The following ZXDC variants were observed in gnomAD, a reference collection of about 807,000 sequenced individuals.
ZXDC encodes the protein ZXD family zinc finger C, also known as zinc finger protein ZXDC.
A neutral mutation model predicts 63.6 loss-of-function variants in ZXDC; 58 were observed. The ratio of observed to expected loss-of-function variants is 0.91; its 90% confidence interval spans 0.74 to 1.13. ZXDC has a LOEUF of 1.13. Among genes scored for constraint, ZXDC ranks in the 50% most tolerant of loss-of-function variants. The pLI is 0.00. For synonymous variants in ZXDC, 561 were observed against 496.1 expected (o/e 1.13, Z -1.74); for missense variants, 1,133 against 1,148.9 (o/e 0.99, Z 0.20).
In ZXDC at chr3:126,441,585, GGGA is replaced by G. The variant is rs991406051; in HGVS notation, c.2394+177_2394+179del. ...CAGATGCAGGACAGGCTGGGAAAAAGGGAGGAGCTGGGCTGTGAGGAGACAGGA... is the reference window on the plus strand; with the variant it reads ...CAGATGCAGGACAGGCTGGGAAAAAGGGAGCTGGGCTGTGAGGAGACAGGA... On this transcript the variant is annotated intron_variant, in intron 8 of 9. Coordinates refer to ENST00000389709, the MANE Select transcript of ZXDC (RefSeq NM_025112.5). 28 of 1,335,576 alleles carry G rather than the reference GGGA, an allele frequency of 2.1e-5. No individual in the cohort carries two copies. In the African/African-American group the frequency reaches 3.5e-4, roughly 16 times the overall value. The allele number at this position is 1,335,576 out of a possible 1,614,324, so 82.7% of individuals were successfully genotyped here. A position where few individuals can be genotyped will look rare whatever the true frequency, so the allele number is the denominator to read the frequency against.
rs1481492069 is a variant in ZXDC, at chr3:126,438,492, A to AG, written c.2491-32dup. ...AAACCAAGCATTGTCATGAAGAGGGAGGAGGGAGGGGAGGCAGAGGGATCC... is the reference window on the plus strand; with the variant it reads ...AAACCAAGCATTGTCATGAAGAGGGAGGGAGGGAGGGGAGGCAGAGGGATCC... On this transcript the variant is annotated intron_variant, in intron 9 of 9. Transcript: ENST00000389709. 5.0e-6 allele frequency: 8 copies of AG among 1,602,180 alleles called. No individual in the cohort carries two copies. The Admixed American group carries it at 5.0e-5, about 10-fold the overall frequency.
At chr3:126,452,899 T>A in intron 7 of ZXDC, 1 of 450,214 alleles carries the variant, frequency 2.2e-6, no homozygotes, top group Non-Finnish European at 2.9e-6. Context: ...CCACCACGCG[T>A]GGCTAATTAT....
At chr3:126,445,315 T>A (rs192562229) in intron 7 of ZXDC, among the ~76,000 whole-genome samples, 1 of 152,084 alleles carries the variant, frequency 6.6e-6, no homozygotes, top group African/African-American at 2.4e-5. Flanking sequence ...CTACGAGAGA[T>A]GTCCATCCAT....
At chr3:126,454,761 C>T in intron 7 of ZXDC, 1 of 985,434 alleles carries the variant, frequency 1.0e-6, no homozygotes, top group Non-Finnish European at 1.2e-6. Context: ...ATTTATAGTT[C>T]TGAAGCTGTT....
At position 126,461,931 on chromosome 3, in the gene ZXDC, GC is replaced by G. The variant is rs763823668; in HGVS notation, c.1730del (p.Ser577ThrfsTer28). On this transcript the variant is annotated frameshift_variant, in exon 6 of 10. Transcript: ENST00000389709. LOFTEE classifies it high-confidence loss of function. The part of the protein sequence containing the change: ...VLVAHSDIPP[S>X]LDSPLVLGTA... The stretch of plus-strand genomic sequence containing the variant: ...TCCCGAGAACCAGAGGGCTGTCCAG[GC>G]TTGGGGGAATATCACTGTGGGCCAC... 4 of 1,614,082 alleles carry G rather than the reference GC, an allele frequency of 2.5e-6. No individual in the cohort carries two copies. The highest frequency in any genetic ancestry group is 1.3e-5 in the African/African-American group (1 of 74,920).
At chr3:126,474,042 G>A (rs1003426748) in intron 1 of ZXDC, among the ~76,000 whole-genome samples, 3 of 151,488 alleles carry the variant, frequency 2.0e-5, no homozygotes, top group African/African-American at 2.4e-5. Flanking sequence ...CAACACACAG[G>A]AGAAAGAACA....
intron 4 of ZXDC, among the ~76,000 whole-genome samples, chr3:126,467,890 G>A (rs1181983932): frequency 6.6e-6 from 1 of 152,138 alleles, no homozygotes; most frequent in Non-Finnish European, 1.5e-5. Flanking sequence ...CGCTACAACA[G>A]GACCCTTGCA....
intron 6 of ZXDC, 37 bp downstream of exon 6, chr3:126,461,498 G>T: frequency 6.4e-7 from 1 of 1,564,018 alleles, no homozygotes; most frequent in South Asian, 1.2e-5. Context: ...TGAGAGAAGT[G>T]ACCTATATGG....
intron 7 of ZXDC, chr3:126,453,846 T>C (rs2107639275): frequency 1.0e-6 from 1 of 984,722 alleles, no homozygotes; most frequent in African/African-American, 1.7e-5. Context: ...ATTACAGGCA[T>C]GAGCCACCGC....
At chr3:126,457,289 G>A (rs1350467245) in intron 7 of ZXDC, 2 of 985,452 alleles carry the variant, frequency 2.0e-6, no homozygotes, top group East Asian at 2.3e-4. Context: ...ATCCCCGCCA[G>A]AGGATGCAAC....
Position 126,441,949 on chromosome 3 carries a change from A to G in ZXDC, c.2213-3T>C, listed in dbSNP as rs777176585. 1.3e-6 allele frequency: 2 copies of G among 1,587,522 alleles called. No homozygotes were observed. The highest frequency in any genetic ancestry group is 1.7e-6 in the Non-Finnish European group (2 of 1,165,616). On this transcript the variant is annotated splice_polypyrimidine_tract_variant and splice_region_variant and intron_variant, in intron 7 of 9. Transcript: ENST00000389709. ...TCTCTGAGTAGACTGTGAGGCTCCT[A>G]AAATGAAATATAAAAACGAGCACAC... is the stretch of plus-strand genomic sequence containing the variant.
At chr3:126,460,287 T>C in intron 6 of ZXDC, 1 of 523,742 alleles carries the variant, frequency 1.9e-6, no homozygotes, top group Non-Finnish European at 2.5e-6. Context: ...CATCAGCTGT[T>C]GCAAGTCTGT....
intron 7 of ZXDC, among the ~76,000 whole-genome samples, chr3:126,456,196 G>A (rs530552386): frequency 6.5e-4 from 99 of 152,336 alleles, no homozygotes; most frequent in Non-Finnish European, 1.1e-3. Context: ...GAGAAACAGG[G>A]CACTTGCAGT....
At chr3:126,460,890 C>A in intron 6 of ZXDC, 1 of 985,048 alleles carries the variant, frequency 1.0e-6, no homozygotes, top group Non-Finnish European at 1.2e-6. Context: ...TAGCCTGTGC[C>A]ACAAAAAAAA....
chr3:126,459,811 C>A, intron 6 of ZXDC, 74 bp from the exon 7 acceptor site: 1 of 1,610,842 alleles, frequency 6.2e-7, no homozygotes, highest in Non-Finnish European at 8.5e-7. Context: ...TACAGAAGTG[C>A]CATAAGCCTG....
chr3:126,465,157 G>T lies in ZXDC; in HGVS notation c.1441+998C>A, dbSNP rs1010242960. Among the ~76,000 whole-genome samples the T allele has an allele frequency of 2.0e-5, 3 of 152,220 alleles. 1 individual carries two copies. Among genetic ancestry groups the T allele is most frequent in the African/African-American group, 4.8e-5 (2 of 41,458 alleles). ...AGTTGGTGACACACACAGCCTCCACGGACTGAGCAGCAGAAGTAACTCTAG... is the reference window on the plus strand; with the variant it reads ...AGTTGGTGACACACACAGCCTCCACTGACTGAGCAGCAGAAGTAACTCTAG... On this transcript the variant is annotated intron_variant, in intron 5 of 9. Coordinates refer to ENST00000389709, the MANE Select transcript of ZXDC (RefSeq NM_025112.5).
chr3:126,462,031 G>A lies in ZXDC; in HGVS notation c.1631C>T (p.Ser544Phe), dbSNP rs910506503. The change falls in exon 6 of 10, where the codon TCT becomes TTT. Residue 544 changes from serine to phenylalanine, a missense_variant. Ser to Phe is a radical substitution (Grantham distance 155). Transcript: ENST00000389709. ...GTTCCCTCCCAGAGAGGAGCTCACA[G>A]AAGTGACGTCAATAGTCAGGATTCC... ...NSGILTIDVTSVSSSLGGNLP... is the reference protein window; with the variant it reads ...NSGILTIDVTFVSSSLGGNLP... 6.2e-7 allele frequency: 1 copy of A among 1,614,040 alleles called. No individual in the cohort carries two copies. Among genetic ancestry groups the A allele is most frequent in the Admixed American group, 1.7e-5 (1 of 60,012 alleles).
At chr3:126,445,939 G>A (rs777491) in intron 7 of ZXDC, among the ~76,000 whole-genome samples, 138,438 of 152,214 alleles carry the variant, frequency 0.91, 63,341 homozygotes, top group East Asian at 0.99. Flanking sequence ...GGATGCTTAA[G>A]GACATGCCAA....
chr3:126,450,617 C>G (rs1203279375), intron 7 of ZXDC: 2 of 440,858 alleles, frequency 4.5e-6, no homozygotes, highest in Non-Finnish European at 9.2e-6. Context: ...TGACCCAGGG[C>G]CCCTACCCGC....
Sources: allele counts gnomAD v4.1 joint callset (sites outside exome capture counted in the v4.1 genomes callset), GRCh38; gene constraint gnomAD v4.1.1; transcripts MANE v1.5; gene names NCBI Gene and HGNC (gene_info 2026-07-23, HGNC 2026-07-21).